CNTNAP2: variants seen among roughly 807,000 people sequenced by gnomAD.
CNTNAP2 encodes contactin associated protein 2.
CNTNAP2 carries 98 observed loss-of-function variants against 155.2 expected under a neutral mutation model. That is an observed-to-expected ratio of 0.63 (90% CI 0.54 to 0.75). The LOEUF (loss-of-function observed/expected upper bound fraction) is 0.75. Among genes scored for constraint, CNTNAP2 ranks in the 30% least tolerant of loss-of-function variants. The pLI, the probability that CNTNAP2 is intolerant of heterozygous loss-of-function variation, is 0.00. For missense variants in CNTNAP2, 1,727 were observed against 1,688.1 expected, an observed-to-expected ratio of 1.02 and a Z score of -0.40; for synonymous variants, 651 against 631.2, an observed-to-expected ratio of 1.03 and a Z score of -0.47.
chr7:146,256,673 GA>G (rs1799842903), intron 1 of CNTNAP2, among the ~76,000 whole-genome samples: 2 of 151,564 alleles, frequency 1.3e-5, no homozygotes, highest in African/African-American at 4.8e-5. Context: ...GAAAATATAA[GA>G]AAATAATTTA....
intron 12 of CNTNAP2, among the ~76,000 whole-genome samples, chr7:147,565,936 TC>T (rs924712391): frequency 6.6e-6 from 1 of 151,652 alleles, no homozygotes; most frequent in African/African-American, 2.4e-5. Context: ...ATTGATAATA[TC>T]ATTTGGGGGT....
At chr7:148,275,233 A>C (rs2116851930) in intron 21 of CNTNAP2, among the ~76,000 whole-genome samples, 1 of 152,352 alleles carries the variant, frequency 6.6e-6, no homozygotes, top group African/African-American at 2.4e-5. Context: ...CTGGAAAAGA[A>C]GGTAATGGAA....
At chr7:147,978,133 G>C in intron 15 of CNTNAP2, 144 bp downstream of exon 15, 1 of 1,180,756 alleles carries the variant, frequency 8.5e-7, no homozygotes. Flanking sequence ...AGATAACTTA[G>C]AGGAGGGGAA....
chr7:147,061,505 T>C (rs1393071243), intron 4 of CNTNAP2, among the ~76,000 whole-genome samples: 1 of 152,216 alleles, frequency 6.6e-6, no homozygotes, highest in Admixed American at 6.5e-5. Context: ...GGTTTCATTT[T>C]ATTTCAGGGT....
At chr7:146,996,509 G>T (rs1014210820) in intron 3 of CNTNAP2, among the ~76,000 whole-genome samples, 8 of 152,038 alleles carry the variant, frequency 5.3e-5, no homozygotes, top group South Asian at 2.1e-4. Context: ...TTTTCAGGTA[G>T]TTTACTGTTA....
intron 2 of CNTNAP2, among the ~76,000 whole-genome samples, chr7:146,832,675 G>A (rs1803537091): frequency 6.7e-6 from 1 of 149,446 alleles, no homozygotes; most frequent in Non-Finnish European, 1.5e-5. Context: ...ATGTACGTGT[G>A]TGTGTATATA....
intron 9 of CNTNAP2, among the ~76,000 whole-genome samples, chr7:147,326,926 T>C (rs893281347): frequency 1.3e-5 from 2 of 152,226 alleles, no homozygotes; most frequent in Non-Finnish European, 2.9e-5. Flanking sequence ...TTTCAACTTC[T>C]AATATAATGG....
intron 5 of CNTNAP2, among the ~76,000 whole-genome samples, chr7:147,113,534 C>A (rs1800925430): frequency 6.6e-6 from 1 of 151,594 alleles, no homozygotes; most frequent in South Asian, 2.1e-4. Flanking sequence ...GGGAAGCAAA[C>A]ACATCCTTCT....
At chr7:146,850,308 T>C (rs1173423459) in intron 3 of CNTNAP2, among the ~76,000 whole-genome samples, 1 of 152,206 alleles carries the variant, frequency 6.6e-6, no homozygotes, top group Non-Finnish European at 1.5e-5. Flanking sequence ...ACTTCACCAA[T>C]ATATTTTGAT....
intron 13 of CNTNAP2, among the ~76,000 whole-genome samples, chr7:147,731,207 T>C (rs1796733603): frequency 6.6e-6 from 1 of 152,200 alleles, no homozygotes; most frequent in Non-Finnish European, 1.5e-5. Context: ...AGTTTCAATC[T>C]AGATGAAACA....
intron 10 of CNTNAP2, among the ~76,000 whole-genome samples, chr7:147,484,352 C>T (rs886515693): frequency 6.6e-6 from 1 of 152,194 alleles, no homozygotes; most frequent in Non-Finnish European, 1.5e-5. Context: ...CATTGAGTCT[C>T]AACCTAAAAG....
chr7:147,767,589 G>T (rs1213284991), intron 13 of CNTNAP2, among the ~76,000 whole-genome samples: 2 of 151,886 alleles, frequency 1.3e-5, no homozygotes, highest in East Asian at 1.9e-4. Flanking sequence ...TGTTTATAGG[G>T]CTGTGTTCTA....
intron 21 of CNTNAP2, among the ~76,000 whole-genome samples, chr7:148,307,612 T>G (rs1414749179): frequency 6.6e-6 from 1 of 152,198 alleles, no homozygotes; most frequent in Non-Finnish European, 1.5e-5. Flanking sequence ...TAAATGTAGG[T>G]GCTCAATCCA....
At chr7:147,059,362 G>T (rs1307738911) in intron 4 of CNTNAP2, among the ~76,000 whole-genome samples, 1 of 151,936 alleles carries the variant, frequency 6.6e-6, no homozygotes, top group African/African-American at 2.4e-5. Context: ...CCTCAGTCTG[G>T]CACAGATAAT....
intron 1 of CNTNAP2, among the ~76,000 whole-genome samples, chr7:146,369,352 C>T (rs1320280200): frequency 2.0e-5 from 3 of 151,892 alleles, no homozygotes; most frequent in Non-Finnish European, 4.4e-5. Flanking sequence ...TTTGATGTTT[C>T]GTACAATAAT....
intron 13 of CNTNAP2, among the ~76,000 whole-genome samples, chr7:147,668,467 G>A (rs1169386193): frequency 6.6e-6 from 1 of 152,218 alleles, no homozygotes; most frequent in Non-Finnish European, 1.5e-5. Context: ...GTAGACAGCA[G>A]CTCCATGGGT....
intron 1 of CNTNAP2, among the ~76,000 whole-genome samples, chr7:146,156,720 A>G (rs1169369985): frequency 1.3e-5 from 2 of 152,272 alleles, no homozygotes; most frequent in South Asian, 4.1e-4. Context: ...CTCCTGCCTC[A>G]GCCTCCTGAG....
intron 11 of CNTNAP2, among the ~76,000 whole-genome samples, chr7:147,518,785 CT>C (rs1799177381): frequency 6.6e-6 from 1 of 152,118 alleles, no homozygotes; most frequent in South Asian, 2.1e-4. Flanking sequence ...AATCCCAGCA[CT>C]TTGGGAGGGC....
chr7:146,674,140 A>G (rs1216943858), intron 1 of CNTNAP2, among the ~76,000 whole-genome samples: 2 of 152,316 alleles, frequency 1.3e-5, no homozygotes, highest in African/African-American at 2.4e-5. Flanking sequence ...AGCTACAACT[A>G]CTAAACTAAC....
Sources: allele counts gnomAD v4.1 joint callset (sites outside exome capture counted in the v4.1 genomes callset), GRCh38; gene constraint gnomAD v4.1.1; transcripts MANE v1.5; gene names NCBI Gene and HGNC (gene_info 2026-07-23, HGNC 2026-07-21).